The following GNAL variants were observed in gnomAD, a reference collection of about 807,000 sequenced individuals.
GNAL encodes guanine nucleotide-binding protein G(olf) subunit alpha.
GNAL carries 18 observed loss-of-function variants against 55.1 expected under a neutral mutation model. That is an observed-to-expected ratio of 0.33 (90% confidence interval 0.23 to 0.48). GNAL has a LOEUF of 0.48. Ranked by LOEUF, GNAL falls within the 20% of genes least tolerant of loss-of-function variation. The pLI is 0.99. For missense variants in GNAL, 412 were observed against 614.1 expected, an observed-to-expected ratio of 0.67 and a Z score of 3.48; for synonymous variants, 253 against 237.0, an observed-to-expected ratio of 1.07 and a Z score of -0.62.
intron 5 of GNAL, among the ~76,000 whole-genome samples, chr18:11,829,730 A>G (rs928372126): frequency 4.6e-5 from 7 of 152,058 alleles, no homozygotes; most frequent in Admixed American, 3.9e-4. Context: ...CGCTCAGTCA[A>G]CGGGCGCAGT....
intron 4 of GNAL, among the ~76,000 whole-genome samples, chr18:11,815,416 C>T (rs2034930061): frequency 6.6e-6 from 1 of 152,100 alleles, no homozygotes; most frequent in Non-Finnish European, 1.5e-5. Context: ...GGGGAGGCCT[C>T]AGGAAACTTA....
intron 4 of GNAL, among the ~76,000 whole-genome samples, chr18:11,789,763 A>G (rs1227212524): frequency 6.6e-6 from 1 of 152,218 alleles, no homozygotes; most frequent in East Asian, 1.9e-4. Context: ...CATGCCATTG[A>G]TACATATACT....
intron 4 of GNAL, among the ~76,000 whole-genome samples, chr18:11,757,240 T>C (rs2033086699): frequency 6.6e-6 from 1 of 152,212 alleles, no homozygotes; most frequent in South Asian, 2.1e-4. Flanking sequence ...TTAGTACCTA[T>C]CAGCCAAGGG....
At chr18:11,793,611 C>A in intron 4 of GNAL, among the ~76,000 whole-genome samples, 1 of 151,682 alleles carries the variant, frequency 6.6e-6, no homozygotes, top group Non-Finnish European at 1.5e-5. Flanking sequence ...AACTCAACGA[C>A]AAAAAGACAA....
intron 9 of GNAL, 49 bp from the exon 10 acceptor site, chr18:11,872,219 T>C (rs1483951432): frequency 1.6e-6 from 2 of 1,267,472 alleles, no homozygotes; most frequent in African/African-American, 1.6e-5. Flanking sequence ...AGAGGCACTT[T>C]CATGTACTAG....
chr18:11,721,107 C>T (rs1022088498), intron 1 of GNAL, among the ~76,000 whole-genome samples: 23 of 152,170 alleles, frequency 1.5e-4, no homozygotes, highest in Admixed American at 1.5e-3. Context: ...CACAATAAAA[C>T]TTTACCACTG....
Position 11,831,966 on chromosome 18 carries a change from G to C in GNAL, c.722+6951G>C, listed in dbSNP as rs930496905. 3.9e-5 allele frequency among the ~76,000 whole-genome samples: 6 copies of C among 152,326 alleles called. No individual in the cohort carries two copies. In the South Asian group the frequency reaches 1.2e-3, roughly 32 times the overall value. Reference sequence around the variant, plus strand: ...AATACTGTGTTTTCTGTAAAAGTGAGTGTCCTTGAAGCATTGAGCAAGCTG... The same window carrying C: ...AATACTGTGTTTTCTGTAAAAGTGACTGTCCTTGAAGCATTGAGCAAGCTG... On this transcript the variant is annotated intron_variant, in intron 5 of 11. Coordinates refer to ENST00000334049, the MANE Select transcript of GNAL (RefSeq NM_182978.4).
At chr18:11,754,973 T>C (rs545046571) in intron 4 of GNAL, among the ~76,000 whole-genome samples, 1 of 150,598 alleles carries the variant, frequency 6.6e-6, no homozygotes, top group East Asian at 2.0e-4. Context: ...TCATTTTTGT[T>C]ACAGTGCACC....
At chr18:11,880,151 G>A (rs561310552) in intron 11 of GNAL, among the ~76,000 whole-genome samples, 2 of 150,974 alleles carry the variant, frequency 1.3e-5, no homozygotes, top group Admixed American at 6.6e-5. Context: ...CAGCTACTCA[G>A]GAGGCTGAGG....
intron 5 of GNAL, among the ~76,000 whole-genome samples, chr18:11,841,530 A>G (rs1229643962): frequency 2.6e-5 from 4 of 151,844 alleles, no homozygotes; most frequent in African/African-American, 4.8e-5. Flanking sequence ...CTGTAATCCC[A>G]GCTACTCTGG....
At chr18:11,798,422 A>G (rs2034443810) in intron 4 of GNAL, among the ~76,000 whole-genome samples, 1 of 152,214 alleles carries the variant, frequency 6.6e-6, no homozygotes. Context: ...ACTAGACAGA[A>G]GTTCAATTCT....
intron 4 of GNAL, among the ~76,000 whole-genome samples, chr18:11,777,764 G>C: frequency 6.6e-6 from 1 of 152,190 alleles, no homozygotes; most frequent in East Asian, 1.9e-4. Flanking sequence ...CGGAAGAGCA[G>C]ACCCTCGCCT....
intron 1 of GNAL, among the ~76,000 whole-genome samples, chr18:11,695,342 T>A (rs538551398): frequency 6.6e-6 from 1 of 152,366 alleles, no homozygotes; most frequent in East Asian, 1.9e-4. Context: ...ACACAGACTT[T>A]TCTGCAGGCT....
chr18:11,782,865 T>TATGTGAGC (rs1433740265), intron 4 of GNAL, among the ~76,000 whole-genome samples: 1 of 152,216 alleles, frequency 6.6e-6, no homozygotes. Context: ...CTGAAAGGGC[T>TATGTGAGC]ATGTGAGCAT....
intron 4 of GNAL, among the ~76,000 whole-genome samples, chr18:11,823,840 C>A (rs375845621): frequency 1.3e-5 from 2 of 152,126 alleles, no homozygotes; most frequent in African/African-American, 2.4e-5. Flanking sequence ...TACGTAACTT[C>A]TTTTGTGTTT....
At chr18:11,730,012 AGAG>A (rs1463008658) in intron 1 of GNAL, among the ~76,000 whole-genome samples, 3 of 152,140 alleles carry the variant, frequency 2.0e-5, no homozygotes, top group Non-Finnish European at 4.4e-5. Context: ...ATGGGTTGAA[AGAG>A]TTAAGTTTTT....
intron 5 of GNAL, chr18:11,851,354 T>C: frequency 1.0e-6 from 1 of 974,152 alleles, no homozygotes; most frequent in Non-Finnish European, 1.4e-6. Flanking sequence ...GCTCCGCCTT[T>C]GGCGCTGGGC....
At chr18:11,740,110 T>C (rs1326407628) in intron 1 of GNAL, among the ~76,000 whole-genome samples, 1 of 152,108 alleles carries the variant, frequency 6.6e-6, no homozygotes, top group Non-Finnish European at 1.5e-5. Context: ...TATCTGTCTG[T>C]TGTTGGCAGG....
chr18:11,724,122 T>C (rs572784502), intron 1 of GNAL, among the ~76,000 whole-genome samples: 2 of 152,300 alleles, frequency 1.3e-5, no homozygotes, highest in African/African-American at 2.4e-5. Context: ...TAGTCTGTTC[T>C]TGCATTGCTG....
Sources: allele counts gnomAD v4.1 joint callset (sites outside exome capture counted in the v4.1 genomes callset), GRCh38; gene constraint gnomAD v4.1.1; transcripts MANE v1.5; gene names NCBI Gene and HGNC (gene_info 2026-07-23, HGNC 2026-07-21).